EBF1: variants seen among roughly 807,000 people sequenced by gnomAD.
EBF1 encodes the protein EBF transcription factor 1.
EBF1 carries 10 observed loss-of-function variants against 68.4 expected under a neutral mutation model. The ratio of observed to expected loss-of-function variants is 0.15; its 90% CI spans 0.09 to 0.25. The LOEUF (loss-of-function observed/expected upper bound fraction) is 0.25, where lower values mean the gene tolerates loss of function less well. Ranked by LOEUF, EBF1 falls within the 10% of genes least tolerant of loss-of-function variation. The pLI, the probability that EBF1 is intolerant of heterozygous loss-of-function variation, is 1.00. For missense variants in EBF1, 509 were observed against 794.4 expected (o/e 0.64, Z 4.32); for synonymous variants, 298 against 299.8 (o/e 0.99, Z 0.06).
chr5:159,026,109 G>A (rs1201465146), intron 6 of EBF1, among the ~76,000 whole-genome samples: 1 of 152,158 alleles, frequency 6.6e-6, no homozygotes, highest in African/African-American at 2.4e-5. Context: ...ATTCAGGAAG[G>A]TGATTTCAGA....
At chr5:158,775,562 CA>C (rs1774952697) in intron 10 of EBF1, among the ~76,000 whole-genome samples, 2 of 152,006 alleles carry the variant, frequency 1.3e-5, no homozygotes, top group Admixed American at 1.3e-4. Flanking sequence ...CGGCCAAAAA[CA>C]GAGTCCAAAC....
At chr5:158,985,070 A>G (rs1030626532) in intron 6 of EBF1, among the ~76,000 whole-genome samples, 20 of 152,280 alleles carry the variant, frequency 1.3e-4, no homozygotes, top group African/African-American at 4.8e-4. Context: ...CTGCGGCACT[A>G]TAGTTTCTTT....
intron 6 of EBF1, among the ~76,000 whole-genome samples, chr5:159,005,668 C>A (rs187238703): frequency 6.4e-4 from 97 of 152,026 alleles, no homozygotes; most frequent in Admixed American, 1.7e-3. Context: ...TAAAAAAAAC[C>A]AGAATATCAA....
At chr5:158,830,755 G>A (rs923217160) in intron 7 of EBF1, among the ~76,000 whole-genome samples, 18 of 152,176 alleles carry the variant, frequency 1.2e-4, no homozygotes, top group Admixed American at 6.5e-5. Flanking sequence ...ATATGAATGC[G>A]ATATTCTCAG....
chr5:159,012,243 C>T (rs906819510), intron 6 of EBF1, among the ~76,000 whole-genome samples: 115 of 151,212 alleles, frequency 7.6e-4, no homozygotes, highest in African/African-American at 2.6e-3. Flanking sequence ...GCTGAGATCG[C>T]GCCACTGCAT....
intron 6 of EBF1, among the ~76,000 whole-genome samples, chr5:158,842,327 G>C (rs1041815996): frequency 1.3e-5 from 2 of 152,164 alleles, no homozygotes; most frequent in Non-Finnish European, 2.9e-5. Context: ...TCTTGCTAGG[G>C]TTCAATCCTA....
intron 9 of EBF1, among the ~76,000 whole-genome samples, chr5:158,795,449 T>C (rs1358464901): frequency 5.3e-5 from 8 of 152,196 alleles, no homozygotes; most frequent in Admixed American, 4.6e-4. Context: ...GCCTAGCATA[T>C]GGTAAGTCTC....
At position 158,879,867 on chromosome 5, in the gene EBF1, T is replaced by C. The variant is rs35619964; in HGVS notation, c.555-39757A>G. Among the ~76,000 whole-genome samples, 1,062 of 152,244 alleles carry C rather than the reference T, an allele frequency of 7.0e-3. 13 individuals are homozygous for C. The highest frequency in any genetic ancestry group is 6.6e-3 in the Non-Finnish European group (449 of 68,002). On this transcript the variant is annotated intron_variant, in intron 6 of 15. Transcript: ENST00000313708. ...TGGTTGAAATACTTGAGAGCAGAGA[T>C]TGGGCCACACGCCTTTCTGTGTCTG...
At chr5:158,840,513 G>A (rs1177513501) in intron 6 of EBF1, among the ~76,000 whole-genome samples, 1 of 152,130 alleles carries the variant, frequency 6.6e-6, no homozygotes, top group Non-Finnish European at 1.5e-5. Flanking sequence ...ATACATGCTG[G>A]ATGAATACAA....
chr5:158,989,607 C>G (rs1402391183), intron 6 of EBF1, among the ~76,000 whole-genome samples: 1 of 152,098 alleles, frequency 6.6e-6, no homozygotes, highest in Non-Finnish European at 1.5e-5. Context: ...GTGTGCAGCT[C>G]CAAACCCAGC....
At chr5:158,709,008 C>G (rs567137994) in intron 14 of EBF1, among the ~76,000 whole-genome samples, 1 of 152,148 alleles carries the variant, frequency 6.6e-6, no homozygotes. Context: ...TGAAAGAGCT[C>G]GGTAGACGTA....
intron 4 of EBF1, among the ~76,000 whole-genome samples, chr5:159,084,977 T>C (rs1780383126): frequency 1.3e-5 from 2 of 152,254 alleles, no homozygotes; most frequent in South Asian, 4.1e-4. Flanking sequence ...GATCAGAGTA[T>C]GAGATGGGCA....
chr5:158,769,702 CA>C (rs1773494063), intron 10 of EBF1, among the ~76,000 whole-genome samples: 1 of 151,746 alleles, frequency 6.6e-6, no homozygotes, highest in African/African-American at 2.4e-5. Flanking sequence ...TACATCTGAT[CA>C]GGGAAAAATC....
rs369195396 is a variant in EBF1, at chr5:159,016,534, T to C, written c.554+56862A>G. Among the ~76,000 whole-genome samples the C allele has an allele frequency of 2.2e-3, 333 of 152,324 alleles. 2 individuals are homozygous for C. Among genetic ancestry groups the C allele is most frequent in the African/African-American group, 7.6e-3 (314 of 41,564 alleles). On this transcript the variant is annotated intron_variant, in intron 6 of 15. Coordinates refer to ENST00000313708, the MANE Select transcript of EBF1 (RefSeq NM_024007.5). ...GGAAATTTTAGGTGCTTGCTCTTTT[T>C]CATCTAATAGAAAATAAGATTTTAA... is the stretch of plus-strand genomic sequence containing the variant.
chr5:158,947,256 AG>A (rs1476334026), intron 6 of EBF1, among the ~76,000 whole-genome samples: 1 of 151,762 alleles, frequency 6.6e-6, no homozygotes, highest in Non-Finnish European at 1.5e-5. Context: ...AAACTCCTGC[AG>A]CTAGCTCGGT....
chr5:158,752,700 A>G (rs1456501347), intron 10 of EBF1, among the ~76,000 whole-genome samples: 1 of 152,092 alleles, frequency 6.6e-6, no homozygotes, highest in African/African-American at 2.4e-5. Context: ...TTTCAAACTG[A>G]CAGTGGTAAC....
chr5:158,940,966 T>C (rs1350567654), intron 6 of EBF1, among the ~76,000 whole-genome samples: 2 of 152,134 alleles, frequency 1.3e-5, no homozygotes, highest in African/African-American at 4.8e-5. Flanking sequence ...GACAGCTTTT[T>C]GTGAGAAGTT....
chr5:158,886,444 T>C (rs1023945631), intron 6 of EBF1, among the ~76,000 whole-genome samples: 1 of 152,226 alleles, frequency 6.6e-6, no homozygotes, highest in Non-Finnish European at 1.5e-5. Context: ...GATTCACAAA[T>C]ACATTCTTTA....
At chr5:159,019,338 T>G (rs1766222951) in intron 6 of EBF1, among the ~76,000 whole-genome samples, 1 of 152,246 alleles carries the variant, frequency 6.6e-6, no homozygotes, top group Non-Finnish European at 1.5e-5. Context: ...GATATAAATG[T>G]CGGGCTCATA....
Sources: gnomAD v4.1 joint callset for allele counts (sites outside exome capture counted in the v4.1 genomes callset) on GRCh38, gnomAD v4.1.1 for gene constraint, MANE v1.5 for transcripts, NCBI Gene and HGNC (gene_info 2026-07-23, HGNC 2026-07-21) for gene names.